EFCAB11: variants seen among roughly 807,000 people sequenced by gnomAD.
EFCAB11 encodes the protein EF-hand calcium-binding domain-containing protein 11.
EFCAB11 carries 14 observed loss-of-function variants against 23.0 expected under a neutral mutation model. The ratio of observed to expected loss-of-function variants is 0.61; its 90% CI spans 0.40 to 0.95. The LOEUF (loss-of-function observed/expected upper bound fraction) is 0.95. Ranked by LOEUF, EFCAB11 falls within the 40% of genes least tolerant of loss-of-function variation. The probability of loss-of-function intolerance (pLI) is 0.00; values close to 1 mark genes in which losing one functional copy is unlikely to be tolerated. For missense variants in EFCAB11, 198 were observed against 195.8 expected, an observed-to-expected ratio of 1.01 and a Z score of -0.07; for synonymous variants, 65 against 66.6, an observed-to-expected ratio of 0.98 and a Z score of 0.11.
In EFCAB11 at chr14:89,796,838, T is replaced by C. The variant is rs17126320; in HGVS notation, c.*405A>G. ...GAGTAGAGCACCGTGGCCTGCAGTG[T>C]GGAGAGGGTAGGGGGCAAGAAGAGT... is the stretch of plus-strand genomic sequence containing the variant. On this transcript the variant is annotated 3_prime_UTR_variant, in exon 6 of 6. Coordinates refer to ENST00000316738, the MANE Select transcript of EFCAB11 (RefSeq NM_145231.4). 0.013 allele frequency: 2,135 copies of C among 163,396 alleles called. 58 individuals carry two copies. The highest frequency in any genetic ancestry group is 0.048 in the African/African-American group (2,007 of 41,806). The allele number at this position is 163,396 out of a possible 1,614,324, so 10.1% of individuals were successfully genotyped here.
intron 5 of EFCAB11, among the ~76,000 whole-genome samples, chr14:89,820,171 T>C (rs773949269): frequency 2.6e-5 from 4 of 152,202 alleles, no homozygotes; most frequent in Non-Finnish European, 2.9e-5. Flanking sequence ...ACCTAACAGT[T>C]GTCATAGTAA....
chr14:89,911,966 A>G (rs1020866702), intron 5 of EFCAB11, among the ~76,000 whole-genome samples: 19 of 152,180 alleles, frequency 1.2e-4, no homozygotes, highest in African/African-American at 4.3e-4. Flanking sequence ...TGTTCCCTCT[A>G]CAGATGGGGA....
At chr14:89,929,044 TACAC>T (rs747390324) in intron 5 of EFCAB11, among the ~76,000 whole-genome samples, 6 of 138,894 alleles carry the variant, frequency 4.3e-5, no homozygotes, top group South Asian at 2.5e-4. Flanking sequence ...TATATATATA[TACAC>T]ACACACATAT....
intron 5 of EFCAB11, among the ~76,000 whole-genome samples, chr14:89,826,995 T>C (rs945451155): frequency 1.3e-5 from 2 of 152,198 alleles, no homozygotes; most frequent in African/African-American, 4.8e-5. Flanking sequence ...CCACTTCTGG[T>C]ACCATTTATT....
Position 89,888,979 on chromosome 14 carries a change from C to T in EFCAB11, c.410+42562G>A, listed in dbSNP as rs114887382. Among the ~76,000 whole-genome samples, 1,191 of 152,204 alleles carry T rather than the reference C, an allele frequency of 7.8e-3. 11 individuals are homozygous for T. Among genetic ancestry groups the T allele is most frequent in the African/African-American group, 0.027 (1,126 of 41,518 alleles). On this transcript the variant is annotated intron_variant, in intron 5 of 5. Transcript: ENST00000316738. ...TACCAAAAGGGAAATACAGAAAGAA[C>T]CATGGCAGTAAATTAGTGGTCAAGG...
chr14:89,907,408 T>C (rs1889532675), intron 5 of EFCAB11, among the ~76,000 whole-genome samples: 1 of 152,228 alleles, frequency 6.6e-6, no homozygotes, highest in African/African-American at 2.4e-5. Context: ...TATTGCAGTA[T>C]GAGGTTTTTG....
chr14:89,835,643 T>TGTGTGTGTGTGTGTGTGTG (rs1491344939), intron 5 of EFCAB11, among the ~76,000 whole-genome samples: 47 of 138,900 alleles, frequency 3.4e-4, no homozygotes, highest in African/African-American at 6.7e-4. Flanking sequence ...TGTGTGTGTG[T>TGTGTGTGTGTGTGTGTGTG]TTGAGACGTT....
intron 5 of EFCAB11, among the ~76,000 whole-genome samples, chr14:89,888,281 C>A (rs546961275): frequency 6.6e-6 from 1 of 152,296 alleles, no homozygotes; most frequent in Non-Finnish European, 1.5e-5. Context: ...AGAGTTCTCT[C>A]CTTTCACCAT....
At chr14:89,830,620 C>A (rs1272407464) in intron 5 of EFCAB11, 1 of 152,160 alleles carries the variant, frequency 6.6e-6, no homozygotes, top group African/African-American at 2.4e-5. Context: ...ATATATATCC[C>A]TTTGAAAAGC....
chr14:89,837,818 A>C (rs72693784), intron 5 of EFCAB11, among the ~76,000 whole-genome samples: 301 of 151,848 alleles, frequency 2.0e-3, no homozygotes, highest in Middle Eastern at 3.4e-3. Flanking sequence ...AATCCTGAGC[A>C]TGACTCCACA....
chr14:89,856,973 T>C (rs1221496799), intron 5 of EFCAB11, among the ~76,000 whole-genome samples: 1 of 152,214 alleles, frequency 6.6e-6, no homozygotes, highest in East Asian at 1.9e-4. Flanking sequence ...TCCTAAGTAA[T>C]TTCTCCTAGC....
chr14:89,812,085 G>A (rs1032993869), intron 5 of EFCAB11, among the ~76,000 whole-genome samples: 1 of 152,098 alleles, frequency 6.6e-6, no homozygotes, highest in Non-Finnish European at 1.5e-5. Flanking sequence ...GAGCTTATAA[G>A]CCTGGAAAGG....
At chr14:89,873,943 C>T (rs1888358231) in intron 5 of EFCAB11, among the ~76,000 whole-genome samples, 1 of 152,194 alleles carries the variant, frequency 6.6e-6, no homozygotes, top group South Asian at 2.1e-4. Context: ...AGGATGGTGG[C>T]CCTCTTCTCA....
At chr14:89,950,292 AAT>A (rs1417599737) in intron 2 of EFCAB11, 150 bp from the exon 3 acceptor site, 1 of 800,728 alleles carries the variant, frequency 1.2e-6, no homozygotes, top group Non-Finnish European at 1.8e-6. Flanking sequence ...CAATAGCTAT[AAT>A]AGTCATTTTA....
intron 5 of EFCAB11, among the ~76,000 whole-genome samples, chr14:89,841,430 A>G (rs1224768968): frequency 6.9e-6 from 1 of 144,206 alleles, no homozygotes; most frequent in Non-Finnish European, 1.5e-5. Flanking sequence ...CTCCCCCTCA[A>G]CTACTCTCTT....
At chr14:89,892,301 G>A (rs1451990689) in intron 5 of EFCAB11, 8 of 1,613,814 alleles carry the variant, frequency 5.0e-6, no homozygotes, top group African/African-American at 1.3e-5. Flanking sequence ...GGCCTTTGAC[G>A]CCCTCACTGA....
intron 3 of EFCAB11, among the ~76,000 whole-genome samples, chr14:89,940,032 C>G (rs1890737395): frequency 6.6e-6 from 1 of 152,194 alleles, no homozygotes; most frequent in Non-Finnish European, 1.5e-5. Context: ...CCACCGTGCC[C>G]AGCCCACATA....
chr14:89,823,908 C>T (rs892643242), intron 5 of EFCAB11, among the ~76,000 whole-genome samples: 6 of 151,846 alleles, frequency 4.0e-5, no homozygotes, highest in Non-Finnish European at 7.4e-5. Context: ...GAAAAAGAAA[C>T]GAACAGAGGA....
At chr14:89,920,515 A>G (rs1889989634) in intron 5 of EFCAB11, among the ~76,000 whole-genome samples, 1 of 152,186 alleles carries the variant, frequency 6.6e-6, no homozygotes, top group African/African-American at 2.4e-5. Flanking sequence ...TCCATCAGTC[A>G]CCAGCTGGTG....
Sources: allele counts gnomAD v4.1 joint callset (sites outside exome capture counted in the v4.1 genomes callset), GRCh38; gene constraint gnomAD v4.1.1; transcripts MANE v1.5; gene names NCBI Gene and HGNC (gene_info 2026-07-23, HGNC 2026-07-21).